Variants in STAT6 observed in about 807,000 individuals in gnomAD.
STAT6 encodes the protein signal transducer and activator of transcription 6, also known as STAT, interleukin4-induced.
A neutral mutation model predicts 106.3 loss-of-function variants in STAT6; 45 were observed. That is an observed-to-expected ratio of 0.42 (90% CI 0.33 to 0.54). The LOEUF (loss-of-function observed/expected upper bound fraction) is 0.54. STAT6 is among the 20% of genes least tolerant of loss of function. The pLI is 0.06. For synonymous variants in STAT6, 413 were observed against 413.6 expected (o/e 1.00, Z 0.02); for missense variants, 797 against 1,062.2 (o/e 0.75, Z 3.47).
At chr12:57,097,567 A>G (rs966444754) in intron 19 of STAT6, among the ~76,000 whole-genome samples, 1 of 152,228 alleles carries the variant, frequency 6.6e-6, no homozygotes, top group Non-Finnish European at 1.5e-5. Context: ...AGAAAATAAT[A>G]ATAACAGTCA....
intron 1 of STAT6, chr12:57,110,105 C>T (rs540720017): frequency 2.6e-5 from 4 of 152,380 alleles, no homozygotes; most frequent in Admixed American, 1.3e-4. Flanking sequence ...TCCAATAGGC[C>T]TTTCTCTAGC....
rs753832225 is a variant in STAT6, at chr12:57,104,498, G to A, written c.1178C>T (p.Thr393Ile). The change falls in exon 11 of 22, where the codon ACA becomes ATA. Residue 393 changes from threonine (T) to isoleucine (I), a missense_variant. Thr to Ile is a moderately conservative substitution (Grantham distance 89). Coordinates refer to ENST00000300134, the MANE Select transcript of STAT6 (RefSeq NM_003153.5). ...KCAVLFSASF[T>I]LGPGKLPIQL... ...GATGGGGAGTTTGCCGGGGCCAAGT[G>A]TGAAGCTGGCAGAGAAGAGCACAGC... The A allele has an allele frequency of 4.3e-6, 7 of 1,612,448 alleles. No homozygotes were observed. Among genetic ancestry groups the A allele is most frequent in the Non-Finnish European group, 5.9e-6 (7 of 1,179,492 alleles).
chr12:57,096,876 T>C lies in STAT6; in HGVS notation c.2328A>G (p.Pro776=). 1 of 1,614,206 alleles carries C rather than the reference T, an allele frequency of 6.2e-7. No homozygotes were observed. Among genetic ancestry groups the C allele is most frequent in the Middle Eastern group, 1.7e-4 (1 of 6,060 alleles). The change falls in exon 21 of 22, where the codon CCA becomes CCG. Residue 776 remains proline, a synonymous_variant. Transcript: ENST00000300134. Reference sequence around the variant, plus strand: ...AAGTGCCCTGAGGAAACGCTGTCACTGGCTGGCTCAGGCAGCTGTCTTCCA... The same window carrying C: ...AAGTGCCCTGAGGAAACGCTGTCACCGGCTGGCTCAGGCAGCTGTCTTCCA... ...TMVEDSCLSQ[P]VTAFPQGTWI...
chr12:57,096,798 G>A (rs1378558148), intron 21 of STAT6, 37 bp from the exon 22 acceptor site: 1 of 1,613,264 alleles, frequency 6.2e-7, no homozygotes, highest in African/African-American at 1.3e-5. Context: ...AGTAGGCATG[G>A]CGCCCACTCC....
intron 4 of STAT6, 22 bp from the exon 5 acceptor site, chr12:57,106,853 CAAG>C: frequency 6.2e-7 from 1 of 1,612,584 alleles, no homozygotes; most frequent in Non-Finnish European, 8.5e-7. Context: ...GGACAGATGC[CAAG>C]AAGTGAAACA....
At position 57,107,326 on chromosome 12, in the gene STAT6, A is replaced by G. The variant is rs754372946; in HGVS notation, c.256-12T>C. On this transcript the variant is annotated splice_polypyrimidine_tract_variant and intron_variant, in intron 3 of 21. Transcript: ENST00000300134. ...CTCTGATATATGCTCTACAGAAATGAGGGTGGTAAACAGTGAGCTTTGCTC... is the reference window on the plus strand; with the variant it reads ...CTCTGATATATGCTCTACAGAAATGGGGGTGGTAAACAGTGAGCTTTGCTC... The G allele has an allele frequency of 2.5e-6, 4 of 1,612,476 alleles. No homozygotes were observed. The South Asian group carries it at 3.3e-5, about 13-fold the overall frequency.
At position 57,107,669 on chromosome 12, in the gene STAT6, A is replaced by G; in HGVS notation, c.191T>C (p.Leu64Pro). 6.2e-7 allele frequency: 1 copy of G among 1,613,966 alleles called. No individual in the cohort carries two copies. Among genetic ancestry groups the G allele is most frequent in the South Asian group, 1.1e-5 (1 of 91,056 alleles). ...CCCCTGCTCTCCCACCGAGGCCTGA[A>G]GGTGCTGGACAGTGTCTGAAAGTAG... ...SALLSDTVQHLQASVGEQGEG... is the reference protein window; with the variant it reads ...SALLSDTVQHPQASVGEQGEG... The change falls in exon 3 of 22, where the codon CTT becomes CCT. Residue 64 changes from leucine to proline, a missense_variant. Leu to Pro is a moderately conservative substitution (Grantham distance 98). This residue lies in a region of STAT6 where 336 missense variants were observed against 429.8 expected (regional missense o/e 0.78). Coordinates refer to ENST00000300134, the MANE Select transcript of STAT6 (RefSeq NM_003153.5).
intron 1 of STAT6, among the ~76,000 whole-genome samples, chr12:57,109,593 TAGAG>T (rs1439122105): frequency 1.3e-5 from 2 of 151,070 alleles, no homozygotes; most frequent in Non-Finnish European, 3.0e-5. Flanking sequence ...AAAAGGAAAG[TAGAG>T]AGAACTAAGG....
At chr12:57,105,441 G>A in intron 8 of STAT6, 27 bp downstream of exon 8, 1 of 1,613,660 alleles carries the variant, frequency 6.2e-7, no homozygotes, top group South Asian at 1.1e-5. Context: ...TCTGTTCTAG[G>A]CCAGACTGGG....
intron 9 of STAT6, 122 bp from the exon 10 acceptor site, chr12:57,104,935 T>G: frequency 2.3e-6 from 3 of 1,303,074 alleles, no homozygotes; most frequent in Middle Eastern, 2.0e-4. Flanking sequence ...CTGTTTGGGT[T>G]CTTAAGGGAG....
Position 57,108,172 on chromosome 12 carries a change from C to T in STAT6, c.107G>A (p.Ser36Asn), listed in dbSNP as rs368611496. The change falls in exon 2 of 22, where the codon AGC (serine) becomes AAC (asparagine). Residue 36 changes from serine (S) to asparagine (N), a missense_variant. By Grantham distance (46) the Ser-to-Asn change is conservative. This residue lies in a region of STAT6 where 336 missense variants were observed against 429.8 expected (regional missense o/e 0.78). Coordinates refer to ENST00000300134, the MANE Select transcript of STAT6 (RefSeq NM_003153.5). ...AGCAGCCAGGACTCACCAGGGCTGGCTCTCCAGCCAGTCACCCAGAAGATG... is the reference window on the plus strand; with the variant it reads ...AGCAGCCAGGACTCACCAGGGCTGGTTCTCCAGCCAGTCACCCAGAAGATG... Reference protein sequence around the residue: ...LRHLLGDWLESQPWEFLVGSD... With the variant: ...LRHLLGDWLENQPWEFLVGSD... The T allele has an allele frequency of 6.8e-6, 11 of 1,605,880 alleles. No individual in the cohort carries two copies. Among genetic ancestry groups the T allele is most frequent in the South Asian group, 1.1e-5 (1 of 90,284 alleles).
At position 57,096,833 on chromosome 12, in the gene STAT6, C is replaced by T. The variant is rs1205481925; in HGVS notation, c.2354+17G>A. 1 of 1,613,934 alleles carries T rather than the reference C, an allele frequency of 6.2e-7. No homozygotes were observed. Among genetic ancestry groups the T allele is most frequent in the African/African-American group, 1.3e-5 (1 of 74,942 alleles). On this transcript the variant is annotated intron_variant, in intron 21 of 21. Transcript: ENST00000300134. Reference sequence around the variant, plus strand: ...CCCTAGATGCCACCCAGCCTCCACTCCCAAGCTGCCACTCACCAAGTGCCC... The same window carrying T: ...CCCTAGATGCCACCCAGCCTCCACTTCCAAGCTGCCACTCACCAAGTGCCC...
At chr12:57,097,225 C>T (rs751571996) in intron 19 of STAT6, 92 bp from the exon 20 acceptor site, 154 of 1,066,806 alleles carry the variant, frequency 1.4e-4, no homozygotes, top group Non-Finnish European at 1.9e-4. Flanking sequence ...AAACAAGCTC[C>T]AGCTCCTTAT....
In STAT6 at chr12:57,106,212, C is replaced by T. The variant is rs138604557; in HGVS notation, c.659G>A (p.Ser220Asn). Residue 220 changes from serine to asparagine, a missense_variant, in exon 7 of 22, where the codon AGC (serine) becomes AAC (asparagine). By Grantham distance (46) the Ser-to-Asn change is conservative. Transcript: ENST00000300134. ...LAGNGAPFEE[S>N]LAPLQERCES... ...CAACCTCTCCTGGAGTGGGGCCAGG[C>T]TCTCCTCAAACGGTGCGCCATTCCC... 1.4e-3 allele frequency: 2,335 copies of T among 1,614,178 alleles called. 4 individuals carry two copies. The highest frequency in any genetic ancestry group is 1.6e-3 in the Non-Finnish European group (1,923 of 1,180,026).
intron 5 of STAT6, 38 bp downstream of exon 5, chr12:57,106,655 C>A (rs758619650): frequency 1.7e-5 from 28 of 1,613,074 alleles, no homozygotes; most frequent in Non-Finnish European, 2.4e-5. Flanking sequence ...AAGAGGCAAC[C>A]ACTCCTACAC....
chr12:57,105,271 C>T lies in STAT6; in HGVS notation c.881G>A (p.Arg294Gln), dbSNP rs777634893. The T allele has an allele frequency of 2.2e-5, 35 of 1,614,014 alleles. No individual in the cohort carries two copies. In the South Asian group the frequency reaches 2.3e-4, roughly 11 times the overall value. Residue 294 changes from arginine to glutamine, a missense_variant, in exon 9 of 22, where the codon CGA becomes CAA. This residue lies in a region of STAT6 where 336 missense variants were observed against 429.8 expected (regional missense o/e 0.78). Coordinates refer to ENST00000300134, the MANE Select transcript of STAT6 (RefSeq NM_003153.5). The stretch of plus-strand genomic sequence containing the variant: ...CAGGAACCTCAAGCCCAACAGGAAT[C>T]GAACTCCAGCCTGGAACTTGGTCTG... ...KTQTKFQAGVRFLLGLRFLGA... is the reference protein window; with the variant it reads ...KTQTKFQAGVQFLLGLRFLGA...
intron 4 of STAT6, 142 bp downstream of exon 4, chr12:57,107,089 C>A: frequency 9.7e-7 from 1 of 1,032,146 alleles, no homozygotes; most frequent in Non-Finnish European, 1.4e-6. Context: ...GGGGTTCACT[C>A]TGACCCTAGG....
chr12:57,100,190 A>G, intron 13 of STAT6, 100 bp from the exon 14 acceptor site: 3 of 1,010,130 alleles, frequency 3.0e-6, no homozygotes, highest in South Asian at 1.4e-5. Flanking sequence ...ACAGAATCAC[A>G]GGGCTGAGGA....
At chr12:57,100,871 C>T (rs914522020) in intron 13 of STAT6, 1 of 455,726 alleles carries the variant, frequency 2.2e-6, no homozygotes, top group Non-Finnish European at 4.4e-6. Context: ...GAACAAACTA[C>T]ATAACCCTCT....
Sources: allele counts gnomAD v4.1 joint callset (sites outside exome capture counted in the v4.1 genomes callset), GRCh38; gene constraint gnomAD v4.1.1; regional missense constraint gnomAD v4.1.1; transcripts MANE v1.5; gene names NCBI Gene and HGNC (gene_info 2026-07-23, HGNC 2026-07-21).